SOAT1: variants seen among roughly 807,000 people sequenced by gnomAD.
SOAT1 encodes the protein acyl-coenzyme A:cholesterol acyltransferase 1.
Under a neutral mutation model 69.5 loss-of-function variants are expected in SOAT1, and 55 were observed. The ratio of observed to expected loss-of-function variants is 0.79; its 90% confidence interval spans 0.64 to 0.99. The LOEUF is 0.99. Ranked by LOEUF, SOAT1 falls within the 50% of genes least tolerant of loss-of-function variation. The pLI is 0.00. For missense variants in SOAT1, 580 were observed against 669.3 expected (o/e 0.87, Z 1.47); for synonymous variants, 231 against 224.7 (o/e 1.03, Z -0.25).
chr1:179,354,479 T>C lies in SOAT1; in HGVS notation c.*838T>C, dbSNP rs1259811342. 1 of 152,230 alleles carries C rather than the reference T, an allele frequency of 6.6e-6. No individual in the cohort carries two copies. Among genetic ancestry groups the C allele is most frequent in the Admixed American group, 6.5e-5 (1 of 15,284 alleles). 9.4% of individuals were successfully genotyped at this position (152,230 alleles called of 1,614,324 possible). A position where few individuals can be genotyped will look rare whatever the true frequency, so the allele number is the denominator to read the frequency against. On this transcript the variant is annotated 3_prime_UTR_variant, in exon 16 of 16. Coordinates refer to ENST00000367619, the MANE Select transcript of SOAT1 (RefSeq NM_003101.6). ...TTTATCACAAACTTAACATGGAAGA[T>C]ATTCCTTTTTAACTTTGTGGTAACT...
At chr1:179,306,966 G>A (rs1171591071) in intron 2 of SOAT1, among the ~76,000 whole-genome samples, 1 of 151,906 alleles carries the variant, frequency 6.6e-6, no homozygotes, top group Non-Finnish European at 1.5e-5. Context: ...AACTTTTTCA[G>A]TCAGCTCCCT....
At chr1:179,338,817 G>C (rs1359465253) in intron 5 of SOAT1, among the ~76,000 whole-genome samples, 1 of 152,068 alleles carries the variant, frequency 6.6e-6, no homozygotes, top group African/African-American at 2.4e-5. Flanking sequence ...TTATTAGACT[G>C]TGAAGATCCT....
chr1:179,336,368 G>T (rs1300249978), intron 4 of SOAT1, among the ~76,000 whole-genome samples: 1 of 150,580 alleles, frequency 6.6e-6, no homozygotes, highest in Admixed American at 6.7e-5. Context: ...CAGCTGCTCA[G>T]GAGACTGAGG....
intron 2 of SOAT1, among the ~76,000 whole-genome samples, chr1:179,319,642 A>G (rs573469956): frequency 3.3e-5 from 5 of 152,144 alleles, no homozygotes; most frequent in African/African-American, 7.2e-5. Flanking sequence ...TTTTTGAGAC[A>G]GTCTTGCTCT....
In SOAT1 at chr1:179,347,495, T is replaced by C. The variant is rs1004337206; in HGVS notation, c.1118-105T>C. 2.8e-5 allele frequency: 18 copies of C among 652,754 alleles called. No homozygotes were observed. The East Asian group carries it at 3.1e-4, about 11-fold the overall frequency. 40.4% of individuals were successfully genotyped at this position (652,754 alleles called of 1,614,324 possible). ...ATGGGTAAACTGGAATAATAACTTA[T>C]ATTTTACAAAATAATCCCAGCTAAA... On this transcript the variant is annotated intron_variant, in intron 11 of 15. Coordinates refer to ENST00000367619, the MANE Select transcript of SOAT1 (RefSeq NM_003101.6).
intron 1 of SOAT1, among the ~76,000 whole-genome samples, chr1:179,295,305 C>G (rs1161412750): frequency 6.6e-6 from 1 of 152,178 alleles, no homozygotes; most frequent in Non-Finnish European, 1.5e-5. Context: ...CTCCCTCCCT[C>G]CAACTCTTAT....
chr1:179,351,409 C>T lies in SOAT1; in HGVS notation c.1543C>T (p.Leu515Phe). 6.2e-7 allele frequency: 1 copy of T among 1,614,038 alleles called. No homozygotes were observed. Among genetic ancestry groups the T allele is most frequent in the Non-Finnish European group, 8.5e-7 (1 of 1,179,970 alleles). ...TCTTTTCTTGGGCAATGGAGTCTTACTCTGCTTTTATTCTCAAGAATGGTA... is the reference window on the plus strand; with the variant it reads ...TCTTTTCTTGGGCAATGGAGTCTTATTCTGCTTTTATTCTCAAGAATGGTA... ...TSLFLGNGVL[L>F]CFYSQEWYAR... The change falls in exon 15 of 16, where the codon CTC (leucine) becomes TTC (phenylalanine). Residue 515 changes from leucine (L) to phenylalanine (F), a missense_variant. Leu to Phe is a conservative substitution (Grantham distance 22, BLOSUM62 0). Transcript: ENST00000367619.
chr1:179,322,410 TCTCA>T (rs1162869710), intron 2 of SOAT1, among the ~76,000 whole-genome samples: 1 of 151,722 alleles, frequency 6.6e-6, no homozygotes, highest in Non-Finnish European at 1.5e-5. Flanking sequence ...TGAGACAGAG[TCTCA>T]CTCTGTCATC....
chr1:179,318,747 T>C (rs1665486470), intron 2 of SOAT1, among the ~76,000 whole-genome samples: 1 of 152,220 alleles, frequency 6.6e-6, no homozygotes, highest in African/African-American at 2.4e-5. Flanking sequence ...CTCTTTTCAC[T>C]TGGCAAAATG....
chr1:179,353,477 G>A (rs965965718), intron 15 of SOAT1, 108 bp from the exon 16 acceptor site: 2 of 933,218 alleles, frequency 2.1e-6, no homozygotes, highest in Non-Finnish European at 3.5e-6. Flanking sequence ...AATGGTGGGA[G>A]GCATTTTAGA....
In SOAT1 at chr1:179,355,221, T is replaced by C. The variant is rs1666869263; in HGVS notation, c.*1580T>C. On this transcript the variant is annotated 3_prime_UTR_variant, in exon 16 of 16. Coordinates refer to ENST00000367619, the MANE Select transcript of SOAT1 (RefSeq NM_003101.6). ...ATGTTCTGCACAACAGTATTGTAATTGTAATGGAATCATAACCTGCTAACT... is the reference window on the plus strand; with the variant it reads ...ATGTTCTGCACAACAGTATTGTAATCGTAATGGAATCATAACCTGCTAACT... 6.6e-6 allele frequency: 1 copy of C among 152,232 alleles called. No homozygotes were observed. The allele number at this position is 152,232 out of a possible 1,614,324, so 9.4% of individuals were successfully genotyped here.
At chr1:179,302,300 T>G (rs1664857541) in intron 1 of SOAT1, among the ~76,000 whole-genome samples, 1 of 152,190 alleles carries the variant, frequency 6.6e-6, no homozygotes, top group Non-Finnish European at 1.5e-5. Flanking sequence ...GCTGATATAT[T>G]GGTTTGCTTC....
rs1393283018 is a variant in SOAT1, at chr1:179,357,138, T to C, written c.*3497T>C. The C allele has an allele frequency of 2.0e-5, 3 of 152,976 alleles. No homozygotes were observed. In the East Asian group the frequency reaches 5.8e-4, roughly 29 times the overall value. 9.5% of individuals were successfully genotyped at this position (152,976 alleles called of 1,614,324 possible). On this transcript the variant is annotated 3_prime_UTR_variant, in exon 16 of 16. Coordinates refer to ENST00000367619, the MANE Select transcript of SOAT1 (RefSeq NM_003101.6). ...TGTTCTGGGTATTTTATGTATCTTATCTCTAGGCTTTATGGCTCTGAAATG... is the reference window on the plus strand; with the variant it reads ...TGTTCTGGGTATTTTATGTATCTTACCTCTAGGCTTTATGGCTCTGAAATG...
chr1:179,356,202 T>G lies in SOAT1; in HGVS notation c.*2561T>G, dbSNP rs530472112. The G allele has an allele frequency of 6.6e-6, 1 of 152,228 alleles. No individual in the cohort carries two copies. Among genetic ancestry groups the G allele is most frequent in the Non-Finnish European group, 1.5e-5 (1 of 68,034 alleles). The allele number at this position is 152,228 out of a possible 1,614,324, so 9.4% of individuals were successfully genotyped here. A position where few individuals can be genotyped will look rare whatever the true frequency, so the allele number is the denominator to read the frequency against. On this transcript the variant is annotated 3_prime_UTR_variant, in exon 16 of 16. Coordinates refer to ENST00000367619, the MANE Select transcript of SOAT1 (RefSeq NM_003101.6). The stretch of plus-strand genomic sequence containing the variant: ...GCTTAAAGTTTTTGTTTCTGTAAGA[T>G]GTAATGATAGTAACTATTATTTTGG...
At chr1:179,310,265 C>CT (rs34859522) in intron 2 of SOAT1, among the ~76,000 whole-genome samples, 73,095 of 143,390 alleles carry the variant, frequency 0.51, 19,423 homozygotes, top group African/African-American at 0.65. Flanking sequence ...GAAAACATGA[C>CT]TTTTTTTTTT....
At chr1:179,314,061 T>C (rs2124950986) in intron 2 of SOAT1, among the ~76,000 whole-genome samples, 1 of 152,306 alleles carries the variant, frequency 6.6e-6, no homozygotes, top group East Asian at 1.9e-4. Context: ...CAACAAGTCT[T>C]CATGCTTCAT....
chr1:179,339,419 G>A lies in SOAT1; in HGVS notation c.390-19G>A. ...TAAATATACATTATTAACTTGTTTT[G>A]TTTGAACTACATTTACAGTGAACTG... On this transcript the variant is annotated intron_variant, in intron 5 of 15. Transcript: ENST00000367619. 2 of 1,511,708 alleles carry A rather than the reference G, an allele frequency of 1.3e-6. No homozygotes were observed. The highest frequency in any genetic ancestry group is 1.8e-6 in the Non-Finnish European group (2 of 1,109,304). 93.6% of individuals were successfully genotyped at this position (1,511,708 alleles called of 1,614,324 possible). A position where few individuals can be genotyped will look rare whatever the true frequency, so the allele number is the denominator to read the frequency against.
At chr1:179,342,061 C>T in intron 7 of SOAT1, 53 bp from the exon 8 acceptor site, 1 of 1,609,614 alleles carries the variant, frequency 6.2e-7, no homozygotes, top group Non-Finnish European at 8.5e-7. Flanking sequence ...ATGGAAAGGA[C>T]ACTTGCAGGA....
At chr1:179,323,578 T>A in intron 3 of SOAT1, 83 bp downstream of exon 3, 1 of 1,118,052 alleles carries the variant, frequency 8.9e-7, no homozygotes, top group Non-Finnish European at 1.3e-6. Context: ...GCTAAATTGC[T>A]CAGATAATTA....
Sources: gnomAD v4.1 joint callset for allele counts (sites outside exome capture counted in the v4.1 genomes callset) on GRCh38, gnomAD v4.1.1 for gene constraint, MANE v1.5 for transcripts, NCBI Gene and HGNC (gene_info 2026-07-23, HGNC 2026-07-21) for gene names.